Variants in RBFOX1 observed in about 807,000 individuals in gnomAD.
RBFOX1 encodes RNA binding protein fox-1 homolog 1.
Under a neutral mutation model 57.7 loss-of-function variants are expected in RBFOX1, and 8 were observed. The ratio of observed to expected loss-of-function variants is 0.14; its 90% CI spans 0.08 to 0.25. The LOEUF (loss-of-function observed/expected upper bound fraction) is 0.25. Among genes scored for constraint, RBFOX1 ranks in the 10% least tolerant of loss-of-function variants. The pLI is 1.00. For synonymous variants in RBFOX1, 326 were observed against 222.4 expected (o/e 1.47, Z -4.15); for missense variants, 611 against 548.5 (o/e 1.11, Z -1.14).
At chr16:7,000,596 C>CT (rs759103545) in intron 3 of RBFOX1, among the ~76,000 whole-genome samples, 6,043 of 92,158 alleles carry the variant, frequency 0.066, 478 homozygotes, top group Admixed American at 0.11. Flanking sequence ...CTTTTTCTTT[C>CT]TTTTTTTTTT....
intron 3 of RBFOX1, among the ~76,000 whole-genome samples, chr16:7,006,517 A>G (rs1008921993): frequency 6.6e-6 from 1 of 152,044 alleles, no homozygotes; most frequent in Non-Finnish European, 1.5e-5. Flanking sequence ...TGATATGATC[A>G]CAGCTCACTG....
intron 3 of RBFOX1, among the ~76,000 whole-genome samples, chr16:6,781,375 G>A (rs1194143681): frequency 1.3e-5 from 2 of 152,064 alleles, no homozygotes; most frequent in African/African-American, 4.8e-5. Context: ...AGATATATTA[G>A]TCTGAAGTTT....
intron 1 of RBFOX1, among the ~76,000 whole-genome samples, chr16:6,254,906 C>G (rs2097650786): frequency 6.6e-6 from 1 of 152,054 alleles, no homozygotes; most frequent in Non-Finnish European, 1.5e-5. Context: ...CATGCCCACC[C>G]CCACTGTCTA....
At chr16:6,650,566 G>A (rs555539079) in intron 2 of RBFOX1, among the ~76,000 whole-genome samples, 130 of 152,268 alleles carry the variant, frequency 8.5e-4, no homozygotes, top group African/African-American at 2.7e-3. Context: ...GAGACAGTAC[G>A]AAAAACACCA....
At chr16:6,503,963 A>G (rs2096015519) in intron 2 of RBFOX1, among the ~76,000 whole-genome samples, 2 of 152,192 alleles carry the variant, frequency 1.3e-5, no homozygotes, top group South Asian at 4.1e-4. Context: ...TGGCACTTGA[A>G]TTCAAGATAC....
At position 6,559,172 on chromosome 16, in the gene RBFOX1, C is replaced by T. The variant is rs542478162; in HGVS notation, c.-63-95431C>T. The stretch of plus-strand genomic sequence containing the variant: ...GTATATATATGACTGTTTGTGTGTA[C>T]ATATATATATACACAAACACACACT... On this transcript the variant is annotated intron_variant, in intron 2 of 15. Coordinates refer to ENST00000550418, the MANE Select transcript of RBFOX1 (RefSeq NM_018723.4). 9.5e-3 allele frequency among the ~76,000 whole-genome samples: 1,245 copies of T among 130,876 alleles called. 26 individuals are homozygous for T. Among genetic ancestry groups the T allele is most frequent in the African/African-American group, 0.045 (1,174 of 26,310 alleles). 85.9% of individuals were successfully genotyped at this position (130,876 alleles called of 152,430 possible). A position where few individuals can be genotyped will look rare whatever the true frequency, so the allele number is the denominator to read the frequency against.
rs1461621694 is a variant in RBFOX1, at chr16:6,961,165, A to ACACACACACACACACACAC, written c.-15-90892_-15-90891insCACACACACACACACACAC. ...CACACCCACACAGACACACACACGC[A>ACACACACACACACACACAC]AAAGAAAGAAAGAAAAAAGAAAAGA... On this transcript the variant is annotated intron_variant, in intron 3 of 15. Coordinates refer to ENST00000550418, the MANE Select transcript of RBFOX1 (RefSeq NM_018723.4). Among the ~76,000 whole-genome samples, 32 of 150,680 alleles carry ACACACACACACACACACAC rather than the reference A, an allele frequency of 2.1e-4. 1 individual carries two copies. Among genetic ancestry groups the ACACACACACACACACACAC allele is most frequent in the Non-Finnish European group, 2.8e-4 (19 of 67,568 alleles).
intron 4 of RBFOX1, among the ~76,000 whole-genome samples, chr16:7,388,308 A>T (rs1021300758): frequency 3.3e-5 from 5 of 152,170 alleles, no homozygotes; most frequent in Non-Finnish European, 7.3e-5. Context: ...CTTTCTGGGG[A>T]AATTCCTGAA....
chr16:5,774,370 T>C (rs1480724087), intron 3 of RBFOX1, among the ~76,000 whole-genome samples: 2 of 152,256 alleles, frequency 1.3e-5, no homozygotes, highest in African/African-American at 4.8e-5. Flanking sequence ...CTTATGGTGA[T>C]AGGAGTTGCT....
intron 4 of RBFOX1, among the ~76,000 whole-genome samples, chr16:7,123,301 A>G (rs1054027036): frequency 6.6e-6 from 1 of 152,172 alleles, no homozygotes; most frequent in African/African-American, 2.4e-5. Context: ...GGCAAACATT[A>G]CACATTTAAA....
intron 1 of RBFOX1, among the ~76,000 whole-genome samples, chr16:5,334,277 T>G (rs2064841234): frequency 6.6e-6 from 1 of 152,204 alleles, no homozygotes; most frequent in African/African-American, 2.4e-5. Flanking sequence ...GGAATGTTTC[T>G]GGTCAGAGAT....
At chr16:6,898,051 A>G (rs1567775320) in intron 3 of RBFOX1, among the ~76,000 whole-genome samples, 1 of 152,184 alleles carries the variant, frequency 6.6e-6, no homozygotes, top group Non-Finnish European at 1.5e-5. Flanking sequence ...CTCGGTGTTT[A>G]TATAATGCCT....
chr16:5,388,607 C>T (rs905841618), intron 1 of RBFOX1, among the ~76,000 whole-genome samples: 2 of 151,972 alleles, frequency 1.3e-5, no homozygotes, highest in African/African-American at 2.4e-5. Context: ...GACAGAGTCT[C>T]GCTCTGTCAC....
At chr16:6,063,588 C>A (rs2095717954) in intron 1 of RBFOX1, among the ~76,000 whole-genome samples, 1 of 151,980 alleles carries the variant, frequency 6.6e-6, no homozygotes, top group South Asian at 2.1e-4. Flanking sequence ...CATCCTGGGT[C>A]CTCTCCACAC....
rs529299214 is a variant in RBFOX1 at position 7,288,603 on chromosome 16, G to A, written c.28-229544G>A. On this transcript the variant is annotated intron_variant, in intron 4 of 15. Coordinates refer to ENST00000550418, the MANE Select transcript of RBFOX1 (RefSeq NM_018723.4). ...CACCTATAACCCCAGTACTTTGGGAGGCTGAGCTGGGCAGATCACTTGAGG... is the reference window on the plus strand; with the variant it reads ...CACCTATAACCCCAGTACTTTGGGAAGCTGAGCTGGGCAGATCACTTGAGG... Among the ~76,000 whole-genome samples the A allele has an allele frequency of 2.0e-5, 3 of 152,322 alleles. No individual in the cohort carries two copies. The East Asian group carries it at 5.8e-4, about 29-fold the overall frequency.
At chr16:7,702,149 C>T (rs1187231459) in intron 14 of RBFOX1, among the ~76,000 whole-genome samples, 1 of 152,208 alleles carries the variant, frequency 6.6e-6, no homozygotes, top group African/African-American at 2.4e-5. Flanking sequence ...CCAGACCTTA[C>T]AACCTGGGAT....
intron 1 of RBFOX1, among the ~76,000 whole-genome samples, chr16:5,376,689 G>A (rs1399616123): frequency 1.4e-5 from 2 of 147,214 alleles, no homozygotes; most frequent in Non-Finnish European, 2.9e-5. Flanking sequence ...ATTGGTTCTT[G>A]TCCCCTTGGA....
chr16:6,838,846 A>G (rs920659096), intron 3 of RBFOX1, among the ~76,000 whole-genome samples: 1 of 152,040 alleles, frequency 6.6e-6, no homozygotes, highest in African/African-American at 2.4e-5. Flanking sequence ...TCCCCGTCAT[A>G]CTCTGAAGGA....
intron 4 of RBFOX1, among the ~76,000 whole-genome samples, chr16:7,100,723 T>C (rs932759659): frequency 6.6e-6 from 1 of 151,316 alleles, no homozygotes; most frequent in Non-Finnish European, 1.5e-5. Flanking sequence ...CAAGGGAGAG[T>C]GAACAGAGGA....
Sources: gnomAD v4.1 joint callset for allele counts (sites outside exome capture counted in the v4.1 genomes callset) on GRCh38, gnomAD v4.1.1 for gene constraint, MANE v1.5 for transcripts, NCBI Gene and HGNC (gene_info 2026-07-23, HGNC 2026-07-21) for gene names.